CMTR1: variants seen among roughly 807,000 people sequenced by gnomAD.
CMTR1 encodes cap methyltransferase 1.
In CMTR1, 39 loss-of-function variants were observed where a neutral mutation model predicts 107.0. The ratio of observed to expected loss-of-function variants is 0.36; its 90% CI spans 0.28 to 0.48. The LOEUF (loss-of-function observed/expected upper bound fraction) is 0.48, where lower values mean the gene tolerates loss of function less well. Ranked by LOEUF, CMTR1 falls within the 20% of genes least tolerant of loss-of-function variation. The probability of loss-of-function intolerance (pLI) is 0.99; values close to 1 mark genes in which losing one functional copy is unlikely to be tolerated. For synonymous variants in CMTR1, 366 were observed against 379.5 expected, an observed-to-expected ratio of 0.96 and a Z score of 0.41; for missense variants, 672 against 1,064.9, an observed-to-expected ratio of 0.63 and a Z score of 5.14.
chr6:37,449,911 C>T (rs1771895289), intron 4 of CMTR1, among the ~76,000 whole-genome samples: 1 of 152,194 alleles, frequency 6.6e-6, no homozygotes, highest in African/African-American at 2.4e-5. Flanking sequence ...GCTCTGATTG[C>T]AAACCCCTTT....
At chr6:37,441,225 G>A (rs971866870) in intron 2 of CMTR1, among the ~76,000 whole-genome samples, 1 of 152,130 alleles carries the variant, frequency 6.6e-6, no homozygotes, top group African/African-American at 2.4e-5. Context: ...TGGGCACTCT[G>A]TTGCAGAGTG....
chr6:37,432,772 C>A (rs762545340), upstream of CMTR1, among the ~76,000 whole-genome samples: 1 of 152,124 alleles, frequency 6.6e-6, no homozygotes, highest in Non-Finnish European at 1.5e-5. Flanking sequence ...CCAACTGTGC[C>A]CATATGGTAA....
chr6:37,471,783 G>A lies in CMTR1; in HGVS notation c.1563-64G>A, dbSNP rs1375913798. On this transcript the variant is annotated intron_variant, in intron 14 of 23. Coordinates refer to ENST00000373451, the MANE Select transcript of CMTR1 (RefSeq NM_015050.3). ...GCCTCCTCTCTATGGGATATGAGGG[G>A]TGCACAGGGGGCACTCCTGTGCCTC... The A allele has an allele frequency of 1.6e-5, 23 of 1,451,242 alleles. No individual in the cohort carries two copies. The East Asian group carries it at 3.6e-4, about 23-fold the overall frequency. 89.9% of individuals were successfully genotyped at this position (1,451,242 alleles called of 1,614,324 possible). A position where few individuals can be genotyped will look rare whatever the true frequency, so the allele number is the denominator to read the frequency against.
rs979944464 is a variant in CMTR1, at chr6:37,478,671, G to T, written c.2266+150G>T. ...GGCATTTCTCTGAGGCATATGTTAG[G>T]GGACAGTGTTCCCTGAGCCTCTTCT... On this transcript the variant is annotated intron_variant, in intron 22 of 23. Coordinates refer to ENST00000373451, the MANE Select transcript of CMTR1 (RefSeq NM_015050.3). 6 of 653,430 alleles carry T rather than the reference G, an allele frequency of 9.2e-6. No individual in the cohort carries two copies. In the African/African-American group the frequency reaches 1.1e-4, roughly 12 times the overall value. The allele number at this position is 653,430 out of a possible 1,614,324, so 40.5% of individuals were successfully genotyped here.
chr6:37,428,052 GAGAGA>G, the CMTR1 span, among the ~76,000 whole-genome samples: 36 of 134,872 alleles, frequency 2.7e-4, no homozygotes, highest in Middle Eastern at 3.7e-3. Context: ...GAGAGAGAGA[GAGAGA>G]GAGAAACTCT....
intron 5 of CMTR1, 149 bp downstream of exon 5, chr6:37,450,492 G>A: frequency 1.5e-6 from 1 of 652,616 alleles, no homozygotes; most frequent in Non-Finnish European, 2.8e-6. Context: ...TCAAGAGGGA[G>A]TGTCATGAGC....
Position 37,476,107 on chromosome 6 carries a change from G to C in CMTR1, c.2037-19G>C. 6.2e-7 allele frequency: 1 copy of C among 1,613,986 alleles called. No homozygotes were observed. Among genetic ancestry groups the C allele is most frequent in the Non-Finnish European group, 8.5e-7 (1 of 1,179,904 alleles). ...AGGCATCCTTGGCTTGCCTCTCAGA[G>C]AGACTGTTTGGATTGTAGAATTCAG... On this transcript the variant is annotated intron_variant, in intron 19 of 23. Transcript: ENST00000373451.
At position 37,480,895 on chromosome 6, in the gene CMTR1, A is replaced by G. The variant is rs965353350; in HGVS notation, c.*750A>G. The G allele has an allele frequency of 1.7e-6, 2 of 1,200,444 alleles. No individual in the cohort carries two copies. Among genetic ancestry groups the G allele is most frequent in the African/African-American group, 1.6e-5 (1 of 62,688 alleles). The allele number at this position is 1,200,444 out of a possible 1,614,324, so 74.4% of individuals were successfully genotyped here. A position where few individuals can be genotyped will look rare whatever the true frequency, so the allele number is the denominator to read the frequency against. ...GGTGCCATCCCCTTTTGGTCCAAAC[A>G]TTGGGCAGCGCTAGATGGCAGGAAG... On this transcript the variant is annotated 3_prime_UTR_variant, in exon 24 of 24. Transcript: ENST00000373451.
chr6:37,458,295 A>G lies in CMTR1; in HGVS notation c.778-317A>G, dbSNP rs1480337233. 1.3e-5 allele frequency among the ~76,000 whole-genome samples: 2 copies of G among 152,120 alleles called. No individual in the cohort carries two copies. The highest frequency in any genetic ancestry group is 2.4e-5 in the African/African-American group (1 of 41,434). On this transcript the variant is annotated intron_variant, in intron 8 of 23. Coordinates refer to ENST00000373451, the MANE Select transcript of CMTR1 (RefSeq NM_015050.3). This position sits in a 1 kb window ranked among gnomAD's most constrained non-coding sequence, Gnocchi z 4.7. ...GGTCTCAAACCCCTGACCTCAGGCTATCTGCCTCTCTGGCCTCCCAAAGTG... is the reference window on the plus strand; with the variant it reads ...GGTCTCAAACCCCTGACCTCAGGCTGTCTGCCTCTCTGGCCTCCCAAAGTG...
At chr6:37,424,269 G>A in the CMTR1 span, among the ~76,000 whole-genome samples, 2 of 148,728 alleles carry the variant, frequency 1.3e-5, no homozygotes, top group Admixed American at 6.7e-5. Flanking sequence ...TTGAGATGGA[G>A]TCTCCCTTTG....
At chr6:37,479,293 C>T (rs930444146) in intron 23 of CMTR1, 38 bp downstream of exon 23, 6 of 1,413,456 alleles carry the variant, frequency 4.2e-6, no homozygotes, top group Non-Finnish European at 6.0e-6. Flanking sequence ...TCCTTAGCAG[C>T]CTCAAGTACT....
chr6:37,459,778 C>T, intron 10 of CMTR1, 94 bp downstream of exon 10: 1 of 861,182 alleles, frequency 1.2e-6, no homozygotes, highest in South Asian at 1.4e-5. Flanking sequence ...TTAGCTGCTC[C>T]CAAAGATGGT....
At chr6:37,429,950 A>T (rs71569374), upstream of CMTR1, among the ~76,000 whole-genome samples, 372 of 141,856 alleles carry the variant, frequency 2.6e-3, 4 homozygotes, top group Admixed American at 0.019. Context: ...AAAATAATAA[A>T]AAAAAAAAAA....
At chr6:37,429,438 ATTAT>A (rs921357082), upstream of CMTR1, among the ~76,000 whole-genome samples, 9 of 152,214 alleles carry the variant, frequency 5.9e-5, no homozygotes, top group Non-Finnish European at 1.0e-4. Flanking sequence ...TTTAGCAGAG[ATTAT>A]TTGAGAAAAG....
rs370561677 is a variant in CMTR1 at position 37,477,654 on chromosome 6, C to T, written c.2153+15C>T. 1.8e-5 allele frequency: 29 copies of T among 1,600,728 alleles called. 1 individual carries two copies. The highest frequency in any genetic ancestry group is 1.2e-4 in the South Asian group (11 of 90,824). ...ATTTTTGTCAGGTGAGTGACTTGAC[C>T]GGTGAAGCTCAGATTCAAGAGGAGG... On this transcript the variant is annotated intron_variant, in intron 21 of 23. Coordinates refer to ENST00000373451, the MANE Select transcript of CMTR1 (RefSeq NM_015050.3).
chr6:37,464,024 A>G (rs1057436126), intron 13 of CMTR1, among the ~76,000 whole-genome samples: 1 of 152,242 alleles, frequency 6.6e-6, no homozygotes. Context: ...CAGGGGTTCC[A>G]ATAACACAGA....
chr6:37,462,683 C>A, intron 12 of CMTR1, 146 bp from the exon 13 acceptor site: 1 of 693,966 alleles, frequency 1.4e-6, no homozygotes, highest in Non-Finnish European at 2.5e-6. Flanking sequence ...TTTAGCACCA[C>A]AAAGGGTCTG....
intron 4 of CMTR1, among the ~76,000 whole-genome samples, chr6:37,448,165 T>G (rs944923308): frequency 1.4e-5 from 2 of 140,220 alleles, no homozygotes; most frequent in Admixed American, 1.6e-4. Context: ...GAGCTGAGAT[T>G]GCGCCCCTGC....
chr6:37,475,662 A>G, intron 19 of CMTR1: 1 of 568,038 alleles, frequency 1.8e-6, no homozygotes, highest in Non-Finnish European at 3.2e-6. Flanking sequence ...ACAGCTGCTC[A>G]GGTTGAGGTA....
Sources: allele counts gnomAD v4.1 joint callset (sites outside exome capture counted in the v4.1 genomes callset), GRCh38; gene constraint gnomAD v4.1.1; non-coding constraint Gnocchi (gnomAD v3.1); transcripts MANE v1.5; gene names NCBI Gene and HGNC (gene_info 2026-07-23, HGNC 2026-07-21).